The following IL1RAPL2 variants were observed in gnomAD, a reference collection of about 807,000 sequenced individuals.
The protein encoded by IL1RAPL2 is interleukin 1 receptor accessory protein like 2, also known as X-linked interleukin-1 receptor accessory protein-like 2.
Under a neutral mutation model 44.1 loss-of-function variants are expected in IL1RAPL2, and 3 were observed. The ratio of observed to expected loss-of-function variants is 0.07; its 90% CI spans 0.03 to 0.18. The LOEUF (loss-of-function observed/expected upper bound fraction) is 0.18, where lower values mean the gene tolerates loss of function less well. Among genes scored for constraint, IL1RAPL2 ranks in the 10% least tolerant of loss-of-function variants. The pLI is 1.00. For missense variants in IL1RAPL2, 391 were observed against 496.4 expected, an observed-to-expected ratio of 0.79 and a Z score of 2.02; for synonymous variants, 181 against 178.8, an observed-to-expected ratio of 1.01 and a Z score of -0.10.
chrX:105,073,587 A>G (rs1319614068), intron 2 of IL1RAPL2, among the ~76,000 whole-genome samples: 2 of 111,013 alleles, frequency 1.8e-5, no homozygotes, highest in Admixed American at 1.9e-4. Flanking sequence ...GTCAAATGGT[A>G]TTTCTAGTTC....
At chrX:104,704,076 G>A (rs1931324349) in intron 2 of IL1RAPL2, among the ~76,000 whole-genome samples, 1 of 111,876 alleles carries the variant, frequency 8.9e-6, no homozygotes, top group Non-Finnish European at 1.9e-5. Flanking sequence ...TGGGGATAAG[G>A]ATGCTAGTGC....
chrX:105,610,233 T>C (rs937595224), intron 6 of IL1RAPL2, among the ~76,000 whole-genome samples: 2 of 112,129 alleles, frequency 1.8e-5, no homozygotes, highest in African/African-American at 6.5e-5. Flanking sequence ...CAGTGACTTA[T>C]TTTGTTCACT....
At chrX:104,879,365 T>A (rs371107335) in intron 2 of IL1RAPL2, among the ~76,000 whole-genome samples, 7 of 31,008 alleles carry the variant, frequency 2.3e-4, no homozygotes, top group African/African-American at 3.7e-4. Flanking sequence ...GCAAAACTAG[T>A]AAAAAAAAAA....
At chrX:104,672,503 A>G (rs1357539591) in intron 2 of IL1RAPL2, among the ~76,000 whole-genome samples, 1 of 106,185 alleles carries the variant, frequency 9.4e-6, no homozygotes, top group Non-Finnish European at 1.9e-5. Flanking sequence ...TCATTGTTGG[A>G]CATTTGGGTT....
intron 1 of IL1RAPL2, among the ~76,000 whole-genome samples, chrX:104,606,921 G>T (rs906930249): frequency 7.1e-5 from 8 of 111,909 alleles, no homozygotes; most frequent in Middle Eastern, 4.6e-3. Context: ...AAAAGAGCCC[G>T]CATAGCCAAG....
chrX:105,227,712 A>C (rs1383698542), intron 3 of IL1RAPL2, among the ~76,000 whole-genome samples: 3 of 112,171 alleles, frequency 2.7e-5, no homozygotes, highest in Non-Finnish European at 5.6e-5. Context: ...TGGTCTTTTA[A>C]TGCATTAACA....
intron 2 of IL1RAPL2, among the ~76,000 whole-genome samples, chrX:104,759,367 C>T (rs1402504950): frequency 9.0e-6 from 1 of 111,709 alleles, no homozygotes; most frequent in African/African-American, 3.2e-5. Flanking sequence ...AGACCTGATT[C>T]AAATCTACTA....
intron 2 of IL1RAPL2, among the ~76,000 whole-genome samples, chrX:104,820,887 GA>G (rs1395455710): frequency 8.9e-6 from 1 of 112,211 alleles, no homozygotes; most frequent in Non-Finnish European, 1.9e-5. Flanking sequence ...TGGACACTGT[GA>G]TACTCTCATA....
intron 5 of IL1RAPL2, among the ~76,000 whole-genome samples, chrX:105,447,402 T>C (rs1160266400): frequency 1.3e-3 from 94 of 70,687 alleles, no homozygotes; most frequent in African/African-American, 5.6e-3. Context: ...AATATATAAA[T>C]ATATAAATAT....
At position 104,992,432 on chromosome X, in the gene IL1RAPL2, A is replaced by T. The variant is rs188731339; in HGVS notation, c.83-203043A>T. On this transcript the variant is annotated intron_variant, in intron 2 of 10. Transcript: ENST00000372582. The stretch of plus-strand genomic sequence containing the variant: ...AGTTTGAACTCCTTATCTCTTCAGA[A>T]TTTTTTAGAAGAGTTCAAGACATTA... 1.1e-4 allele frequency among the ~76,000 whole-genome samples: 12 copies of T among 111,402 alleles called. No homozygotes were observed. In the East Asian group the frequency reaches 3.2e-3, roughly 29 times the overall value.
At chrX:105,736,050 GA>G (rs1474907595) in intron 7 of IL1RAPL2, among the ~76,000 whole-genome samples, 1 of 110,774 alleles carries the variant, frequency 9.0e-6, no homozygotes, top group Admixed American at 9.6e-5. Context: ...TAGACCAATG[GA>G]ACATAATAAG....
rs540139355 is a variant in IL1RAPL2 at position 104,898,984 on chromosome X, A to G, written c.82+239989A>G. ...TATTTTTTTTCCCTCCAGTGGGAGT[A>G]TAGGTATAAATACCAAGCAATTTGA... On this transcript the variant is annotated intron_variant, in intron 2 of 10. Transcript: ENST00000372582. Among the ~76,000 whole-genome samples, 5 of 112,276 alleles carry G rather than the reference A, an allele frequency of 4.5e-5. No individual in the cohort carries two copies. The East Asian group carries it at 1.1e-3, about 25-fold the overall frequency.
chrX:105,546,508 TGGTGA>T (rs1240476960), intron 6 of IL1RAPL2, among the ~76,000 whole-genome samples: 24 of 110,162 alleles, frequency 2.2e-4, no homozygotes, highest in Admixed American at 8.7e-4. Flanking sequence ...CCTATGGTGA[TGGTGA>T]TTTTTTTAAA....
chrX:105,223,898 G>A (rs1357837349), intron 3 of IL1RAPL2, among the ~76,000 whole-genome samples: 6 of 111,588 alleles, frequency 5.4e-5, no homozygotes, highest in Non-Finnish European at 9.4e-5. Context: ...ACTATAGAGA[G>A]GAGATAATAA....
chrX:105,429,353 A>T (rs993892707), intron 5 of IL1RAPL2, among the ~76,000 whole-genome samples: 1 of 112,153 alleles, frequency 8.9e-6, no homozygotes, highest in African/African-American at 3.2e-5. Context: ...GGCAGATTAA[A>T]GATACTGCAG....
chrX:105,640,677 TATATATATATATATAC>T (rs1400065551), intron 6 of IL1RAPL2, among the ~76,000 whole-genome samples: 6 of 87,440 alleles, frequency 6.9e-5, no homozygotes, highest in African/African-American at 2.9e-4. Context: ...TATATATATA[TATATATATATATATAC>T]ACACACATAT....
At chrX:104,877,503 TTTATATC>T (rs759778602) in intron 2 of IL1RAPL2, among the ~76,000 whole-genome samples, 4 of 112,575 alleles carry the variant, frequency 3.6e-5, no homozygotes, top group African/African-American at 9.7e-5. Flanking sequence ...AAAAGAGAAT[TTTATATC>T]TTTCTTTTGC....
chrX:105,701,291 G>C lies in IL1RAPL2; in HGVS notation c.773-16076G>C, dbSNP rs1310152287. 2.1e-4 allele frequency among the ~76,000 whole-genome samples: 23 copies of C among 110,858 alleles called. No individual in the cohort carries two copies. In the Admixed American group the frequency reaches 2.2e-3, roughly 11 times the overall value. On this transcript the variant is annotated intron_variant, in intron 6 of 10. Transcript: ENST00000372582. Reference sequence around the variant, plus strand: ...TTACATCATAAAACACATAGATAGTGATCTATAATGCACAAATACGTGCCT... The same window carrying C: ...TTACATCATAAAACACATAGATAGTCATCTATAATGCACAAATACGTGCCT...
At chrX:104,695,228 T>C (rs1931157996) in intron 2 of IL1RAPL2, among the ~76,000 whole-genome samples, 1 of 112,110 alleles carries the variant, frequency 8.9e-6, no homozygotes, top group Admixed American at 9.5e-5. Flanking sequence ...TTTCTGGACT[T>C]CTGAGGGAAG....
Sources: gnomAD v4.1 joint callset for allele counts (sites outside exome capture counted in the v4.1 genomes callset) on GRCh38, gnomAD v4.1.1 for gene constraint, MANE v1.5 for transcripts, NCBI Gene and HGNC (gene_info 2026-07-23, HGNC 2026-07-21) for gene names.